The following KCNQ1 variants were observed in gnomAD, a reference collection of about 807,000 sequenced individuals.
KCNQ1 encodes the protein potassium voltage-gated channel subfamily KQT member 1.
In KCNQ1, 49 loss-of-function variants were observed where a neutral mutation model predicts 72.4. That is an observed-to-expected ratio of 0.68 (90% CI 0.54 to 0.86). The LOEUF (loss-of-function observed/expected upper bound fraction) is 0.86. Ranked by LOEUF, KCNQ1 falls within the 40% of genes least tolerant of loss-of-function variation. The pLI is 0.00. For missense variants in KCNQ1, 790 were observed against 945.1 expected, an observed-to-expected ratio of 0.84 and a Z score of 2.15; for synonymous variants, 450 against 412.6, an observed-to-expected ratio of 1.09 and a Z score of -1.10.
At chr11:2,539,782 G>A (rs894687777) in intron 2 of KCNQ1, among the ~76,000 whole-genome samples, 5 of 152,224 alleles carry the variant, frequency 3.3e-5, no homozygotes, top group East Asian at 1.9e-4. Context: ...TAGAGTGTGC[G>A]GCCATGGGGA....
chr11:2,718,230 C>G (rs1221927455), intron 11 of KCNQ1, among the ~76,000 whole-genome samples: 3 of 152,324 alleles, frequency 2.0e-5, no homozygotes, highest in Non-Finnish European at 2.9e-5. Context: ...CCACATCCCC[C>G]TCACACACCT....
rs1339063568 is a variant in KCNQ1 at position 2,468,109 on chromosome 11, TC to T, written c.386+22628del. Among the ~76,000 whole-genome samples, 2 of 152,206 alleles carry T rather than the reference TC, an allele frequency of 1.3e-5. No homozygotes were observed. The highest frequency in any genetic ancestry group is 2.4e-5 in the African/African-American group (1 of 41,448). ...GGAAAATGCACTGTCTCTCCTGGGC[TC>T]CCAACCTTTCACAGGCCACAGGCCC... is the stretch of plus-strand genomic sequence containing the variant. On this transcript the variant is annotated intron_variant, in intron 1 of 15. Coordinates refer to ENST00000155840, the MANE Select transcript of KCNQ1 (RefSeq NM_000218.3). This position sits in a 1 kb window ranked among gnomAD's most constrained non-coding sequence, Gnocchi z 5.7.
At position 2,642,473 on chromosome 11, in the gene KCNQ1, G is replaced by C; in HGVS notation, c.1394-19488G>C. 2.5e-6 allele frequency: 1 copy of C among 397,946 alleles called. No individual in the cohort carries two copies. The highest frequency in any genetic ancestry group is 4.4e-6 in the Non-Finnish European group (1 of 225,728). The allele number at this position is 397,946 out of a possible 1,614,324, so 24.7% of individuals were successfully genotyped here. A position where few individuals can be genotyped will look rare whatever the true frequency, so the allele number is the denominator to read the frequency against. On this transcript the variant is annotated intron_variant, in intron 10 of 15. Coordinates refer to ENST00000155840, the MANE Select transcript of KCNQ1 (RefSeq NM_000218.3). The surrounding 1 kb of genome is among the most constrained non-coding windows in gnomAD (Gnocchi z 4.3). ...GTAACTGTAATCAATTTATTGATCA[G>C]ACTGAAGAGTTTTGATTTTTGTATT...
chr11:2,522,869 G>A (rs1391154575), intron 1 of KCNQ1, among the ~76,000 whole-genome samples: 3 of 152,160 alleles, frequency 2.0e-5, no homozygotes, highest in East Asian at 3.9e-4. Context: ...AGTTGGGGTG[G>A]ACGCCCACTT....
chr11:2,609,832 C>CTTCAGGTTA (rs1848949255), intron 10 of KCNQ1: 2 of 398,010 alleles, frequency 5.0e-6, no homozygotes, highest in African/African-American at 4.1e-5. Flanking sequence ...TATTATAGCA[C>CTTCAGGTTA]TTCAGGTTAC....
chr11:2,788,141 C>T (rs1846947689), intron 15 of KCNQ1, among the ~76,000 whole-genome samples: 1 of 152,100 alleles, frequency 6.6e-6, no homozygotes, highest in African/African-American at 2.4e-5. Flanking sequence ...CTCATGGCCC[C>T]AGCGCCCCTC....
intron 11 of KCNQ1, among the ~76,000 whole-genome samples, chr11:2,733,773 TCCACACACACACACACAC>T (rs1845891858): frequency 1.7e-5 from 1 of 59,064 alleles, no homozygotes; most frequent in Non-Finnish European, 3.5e-5. Context: ...CTTCAGGCCT[TCCACACACACACACACAC>T]ACACACACAC....
intron 11 of KCNQ1, chr11:2,686,383 G>A (rs1459288726): frequency 2.5e-6 from 1 of 398,480 alleles, no homozygotes; most frequent in Non-Finnish European, 4.4e-6. Flanking sequence ...GCAGAGCCAG[G>A]GTACCCCAAC....
Position 2,603,682 on chromosome 11 carries a change from T to C in KCNQ1, c.1393+14828T>C, listed in dbSNP as rs1305273967. On this transcript the variant is annotated intron_variant, in intron 10 of 15. Transcript: ENST00000155840. This position sits in a 1 kb window ranked among gnomAD's most constrained non-coding sequence, Gnocchi z 4.1. ...CTTAGCATCATGTTTTCAAGGTTTG[T>C]GCTTCAGTGCTTCTTTTTTTTTCCC... Among the ~76,000 whole-genome samples, 1 of 152,194 alleles carries C rather than the reference T, an allele frequency of 6.6e-6. No homozygotes were observed. Among genetic ancestry groups the C allele is most frequent in the Non-Finnish European group, 1.5e-5 (1 of 68,044 alleles).
rs1025694469 is a variant in KCNQ1, at chr11:2,784,494, T to C, written c.1794+6457T>C. Among the ~76,000 whole-genome samples, 1 of 151,966 alleles carries C rather than the reference T, an allele frequency of 6.6e-6. No homozygotes were observed. Among genetic ancestry groups the C allele is most frequent in the Non-Finnish European group, 1.5e-5 (1 of 67,820 alleles). Reference sequence around the variant, plus strand: ...CTAATTTTGTTCATCTTTTTACAAATTGTTTCTGTCTATTCTAAGTCCTAT... The same window carrying C: ...CTAATTTTGTTCATCTTTTTACAAACTGTTTCTGTCTATTCTAAGTCCTAT... On this transcript the variant is annotated intron_variant, in intron 15 of 15. Coordinates refer to ENST00000155840, the MANE Select transcript of KCNQ1 (RefSeq NM_000218.3). This position sits in a 1 kb window ranked among gnomAD's most constrained non-coding sequence, Gnocchi z 4.7.
rs2283155 is a variant in KCNQ1 at position 2,526,945 on chromosome 11, C to T, written c.387-983C>T. Among the ~76,000 whole-genome samples, 93,767 of 151,998 alleles carry T rather than the reference C, an allele frequency of 0.62. 29,292 individuals are homozygous for T. The highest frequency in any genetic ancestry group is 0.71 in the African/African-American group (29,543 of 41,456). On this transcript the variant is annotated intron_variant, in intron 1 of 15. Coordinates refer to ENST00000155840, the MANE Select transcript of KCNQ1 (RefSeq NM_000218.3). The surrounding 1 kb of genome is among the most constrained non-coding windows in gnomAD (Gnocchi z 6.1). ...CTGGCCCTGGGGGCCATGTGGCCATCTCCTGGCTCTCCGGTCGCTGAGGAT... is the reference window on the plus strand; with the variant it reads ...CTGGCCCTGGGGGCCATGTGGCCATTTCCTGGCTCTCCGGTCGCTGAGGAT...
intron 11 of KCNQ1, chr11:2,665,403 G>A (rs568379692): frequency 5.0e-6 from 2 of 397,964 alleles, no homozygotes; most frequent in Non-Finnish European, 8.8e-6. Flanking sequence ...GCCAGGATGA[G>A]TTCCTGGGAT....
chr11:2,834,423 C>G (rs1011855921), intron 15 of KCNQ1, among the ~76,000 whole-genome samples: 3 of 152,118 alleles, frequency 2.0e-5, no homozygotes, highest in Admixed American at 1.3e-4. Flanking sequence ...CAGCCTGGGC[C>G]TCATCATCAC....
rs111834841 is a variant in KCNQ1, at chr11:2,547,721, C to A, written c.477+19703C>A. Among the ~76,000 whole-genome samples, 1,570 of 152,318 alleles carry A rather than the reference C, an allele frequency of 0.01. 24 individuals are homozygous for A. Among genetic ancestry groups the A allele is most frequent in the African/African-American group, 0.036 (1,493 of 41,560 alleles). ...CATCTTTTATAAGTTCAGACCCCCA[C>A]AACCTTGGGTGGACTACTGACTACT... is the stretch of plus-strand genomic sequence containing the variant. On this transcript the variant is annotated intron_variant, in intron 2 of 15. Coordinates refer to ENST00000155840, the MANE Select transcript of KCNQ1 (RefSeq NM_000218.3). This position sits in a 1 kb window ranked among gnomAD's most constrained non-coding sequence, Gnocchi z 4.2.
In KCNQ1 at chr11:2,677,734, T is replaced by G. The variant is rs1186030581; in HGVS notation, c.1514+15653T>G. On this transcript the variant is annotated intron_variant, in intron 11 of 15. Transcript: ENST00000155840. The surrounding 1 kb of genome is among the most constrained non-coding windows in gnomAD (Gnocchi z 4.5). ...ATCAAATATCTCTATTGTAAAATTT[T>G]GGTCTCCGTTTTCAGTGGATTTACT... is the stretch of plus-strand genomic sequence containing the variant. 2.5e-6 allele frequency: 1 copy of G among 398,496 alleles called. No homozygotes were observed. Among genetic ancestry groups the G allele is most frequent in the African/African-American group, 2.1e-5 (1 of 48,640 alleles). The allele number at this position is 398,496 out of a possible 1,614,324, so 24.7% of individuals were successfully genotyped here. A position where few individuals can be genotyped will look rare whatever the true frequency, so the allele number is the denominator to read the frequency against.
chr11:2,671,826 G>A lies in KCNQ1; in HGVS notation c.1514+9745G>A. On this transcript the variant is annotated intron_variant, in intron 11 of 15. Transcript: ENST00000155840. The surrounding 1 kb of genome is among the most constrained non-coding windows in gnomAD (Gnocchi z 4.7). ...CCAAATAAATCCCTGCAACCCCACT[G>A]TGGTTATAGGTCTGAGCCTTCTGCC... 2.5e-6 allele frequency: 1 copy of A among 398,770 alleles called. No individual in the cohort carries two copies. The highest frequency in any genetic ancestry group is 4.4e-5 in the Admixed American group (1 of 22,746). The allele number at this position is 398,770 out of a possible 1,614,324, so 24.7% of individuals were successfully genotyped here. A position where few individuals can be genotyped will look rare whatever the true frequency, so the allele number is the denominator to read the frequency against.
rs1432147694 is a variant in KCNQ1 at position 2,703,696 on chromosome 11, T to C, written c.1514+41615T>C. Reference sequence around the variant, plus strand: ...CCCAGGGGAAACACCAGTCCTCTTCTGCAGTGCAAGGCAGGAGAAAGAACT... The same window carrying C: ...CCCAGGGGAAACACCAGTCCTCTTCCGCAGTGCAAGGCAGGAGAAAGAACT... On this transcript the variant is annotated intron_variant, in intron 11 of 15. Transcript: ENST00000155840. This position sits in a 1 kb window ranked among gnomAD's most constrained non-coding sequence, Gnocchi z 6.4. Among the ~76,000 whole-genome samples the C allele has an allele frequency of 2.6e-5, 4 of 152,194 alleles. No homozygotes were observed. The highest frequency in any genetic ancestry group is 7.2e-5 in the African/African-American group (3 of 41,450).
rs947130634 is a variant in KCNQ1 at position 2,471,515 on chromosome 11, C to G, written c.386+26031C>G. ...CAGGACTTGGAGGATGCTGATGGCC[C>G]AGCTCTGGGTCCTAAGCATGGCAGT... On this transcript the variant is annotated intron_variant, in intron 1 of 15. Transcript: ENST00000155840. The surrounding 1 kb of genome is among the most constrained non-coding windows in gnomAD (Gnocchi z 4.8). Among the ~76,000 whole-genome samples, 2 of 152,270 alleles carry G rather than the reference C, an allele frequency of 1.3e-5. No homozygotes were observed. Among genetic ancestry groups the G allele is most frequent in the Non-Finnish European group, 1.5e-5 (1 of 68,054 alleles).
chr11:2,629,816 G>T, intron 10 of KCNQ1: 1 of 397,510 alleles, frequency 2.5e-6, no homozygotes, highest in Non-Finnish European at 4.4e-6. Context: ...CTTCTAACAG[G>T]TTTTTTTTGT....
Sources: allele counts gnomAD v4.1 joint callset (sites outside exome capture counted in the v4.1 genomes callset), GRCh38; gene constraint gnomAD v4.1.1; non-coding constraint Gnocchi (gnomAD v3.1); transcripts MANE v1.5; gene names NCBI Gene and HGNC (gene_info 2026-07-23, HGNC 2026-07-21).